The following MAP3K15 variants were observed in gnomAD, a reference collection of about 807,000 sequenced individuals.
MAP3K15 encodes mitogen-activated protein kinase kinase kinase 15.
A neutral mutation model predicts 99.5 loss-of-function variants in MAP3K15; 124 were observed. That is an observed-to-expected ratio of 1.25 (90% CI 1.08 to 1.45). The LOEUF (loss-of-function observed/expected upper bound fraction) is 1.45, where lower values mean the gene tolerates loss of function less well. Among genes scored for constraint, MAP3K15 ranks in the 40% most tolerant of loss-of-function variants. The probability of loss-of-function intolerance (pLI) is 0.00; values close to 1 mark genes in which losing one functional copy is unlikely to be tolerated. For synonymous variants in MAP3K15, 494 were observed against 439.6 expected (o/e 1.12, Z -1.55); for missense variants, 1,242 against 1,079.7 (o/e 1.15, Z -2.11).
At chrX:19,445,088 A>T (rs2063985744) in intron 6 of MAP3K15, among the ~76,000 whole-genome samples, 1 of 111,072 alleles carries the variant, frequency 9.0e-6, no homozygotes, top group African/African-American at 3.3e-5. Flanking sequence ...ATACAGCCTC[A>T]GTTTCCCACA....
chrX:19,376,783 G>A (rs759434184), intron 19 of MAP3K15: 1 of 110,587 alleles, frequency 9.0e-6, no homozygotes, highest in Admixed American at 9.7e-5. Context: ...AGGCTGGTCC[G>A]AGTGCAGTGG....
chrX:19,438,767 G>C (rs2063939986), intron 6 of MAP3K15, among the ~76,000 whole-genome samples: 1 of 112,544 alleles, frequency 8.9e-6, no homozygotes, highest in Non-Finnish European at 1.9e-5. Flanking sequence ...CATTAGACCA[G>C]TGTCCTTTCT....
At chrX:19,388,312 A>G (rs2063505774) in intron 18 of MAP3K15, among the ~76,000 whole-genome samples, 1 of 111,775 alleles carries the variant, frequency 8.9e-6, no homozygotes, top group Non-Finnish European at 1.9e-5. Context: ...TGTCATTATG[A>G]CTTTCTCTGT....
chrX:19,508,885 A>T (rs1332790897), intron 1 of MAP3K15, among the ~76,000 whole-genome samples: 1 of 111,864 alleles, frequency 8.9e-6, no homozygotes, highest in African/African-American at 3.2e-5. Flanking sequence ...CCCTGTCTCA[A>T]AAAAAAATCT....
intron 13 of MAP3K15, among the ~76,000 whole-genome samples, chrX:19,403,710 T>C (rs1384999823): frequency 1.8e-5 from 2 of 109,112 alleles, no homozygotes; most frequent in East Asian, 5.7e-4. Context: ...CAAGCAATCC[T>C]CCTTCCTCAG....
chrX:19,438,569 T>G (rs2063938190), intron 6 of MAP3K15, among the ~76,000 whole-genome samples: 1 of 112,167 alleles, frequency 8.9e-6, no homozygotes, highest in African/African-American at 3.2e-5. Flanking sequence ...CTGACTTTGC[T>G]TACCTCAAAG....
chrX:19,442,701 T>C (rs2063967759), intron 6 of MAP3K15, among the ~76,000 whole-genome samples: 1 of 100,063 alleles, frequency 1.0e-5, no homozygotes, highest in African/African-American at 3.9e-5. Context: ...TATTTTATTA[T>C]TATTATTATT....
intron 18 of MAP3K15, among the ~76,000 whole-genome samples, chrX:19,380,557 G>A (rs1326116497): frequency 2.7e-5 from 3 of 110,438 alleles, no homozygotes; most frequent in African/African-American, 6.6e-5. Flanking sequence ...ACAGAGTCTT[G>A]CTCTGTCGCC....
At chrX:19,365,032 C>T (rs1039935996) in intron 25 of MAP3K15, among the ~76,000 whole-genome samples, 2 of 109,796 alleles carry the variant, frequency 1.8e-5, no homozygotes, top group African/African-American at 3.3e-5. Context: ...GGTGAAACCC[C>T]GTCTCTACTA....
At chrX:19,363,873 G>A (rs1206880546) in intron 25 of MAP3K15, among the ~76,000 whole-genome samples, 3 of 110,522 alleles carry the variant, frequency 2.7e-5, no homozygotes, top group Non-Finnish European at 5.7e-5. Context: ...GGCTGGTCTC[G>A]AACTCCTGAC....
At chrX:19,497,808 T>TTAC (rs932039440) in intron 1 of MAP3K15, 6 of 111,237 alleles carry the variant, frequency 5.4e-5, no homozygotes, top group African/African-American at 1.6e-4. Context: ...TATATTCTGA[T>TTAC]TACTACTACT....
intron 3 of MAP3K15, among the ~76,000 whole-genome samples, chrX:19,470,605 G>A (rs2064202142): frequency 9.2e-6 from 1 of 108,934 alleles, no homozygotes. Context: ...AGACTTCACT[G>A]AACTAGTCAA....
chrX:19,437,376 C>T (rs182488212), intron 6 of MAP3K15, among the ~76,000 whole-genome samples: 51 of 111,764 alleles, frequency 4.6e-4, no homozygotes, highest in Non-Finnish European at 3.8e-5. Context: ...CTGTAAGGAT[C>T]TACAAGATGT....
intron 2 of MAP3K15, among the ~76,000 whole-genome samples, chrX:19,487,641 T>C (rs2064338306): frequency 8.9e-6 from 1 of 112,109 alleles, no homozygotes. Flanking sequence ...TTTGCCATAA[T>C]TACTGAGTAC....
intron 18 of MAP3K15, among the ~76,000 whole-genome samples, chrX:19,381,823 G>A (rs141217292): frequency 8.6e-4 from 96 of 112,066 alleles, no homozygotes; most frequent in African/African-American, 3.0e-3. Flanking sequence ...CAGCTCCTGG[G>A]GGCTGGCAAA....
intron 16 of MAP3K15, among the ~76,000 whole-genome samples, chrX:19,394,733 C>T (rs9943025): frequency 0.022 from 2,038 of 92,516 alleles, 62 homozygotes; most frequent in African/African-American, 0.078. Context: ...CAGAAATAGA[C>T]TGCTTATATG....
At chrX:19,448,353 T>G (rs16997302) in intron 6 of MAP3K15, among the ~76,000 whole-genome samples, 5,425 of 109,146 alleles carry the variant, frequency 0.05, 368 homozygotes, top group African/African-American at 0.17. Context: ...CCAGTCCTTA[T>G]GTCCTCAACT....
intron 6 of MAP3K15, among the ~76,000 whole-genome samples, chrX:19,443,225 GT>G (rs2063972711): frequency 2.9e-5 from 3 of 104,961 alleles, no homozygotes; most frequent in South Asian, 8.8e-4. Flanking sequence ...TAGAAACGGG[GT>G]TTTACCATGT....
chrX:19,369,249 G>C (rs2063357481), intron 24 of MAP3K15, 30 bp from the exon 25 acceptor site: 1 of 1,208,240 alleles, frequency 8.3e-7, no homozygotes, highest in African/African-American at 1.7e-5. Context: ...TGACAATGGT[G>C]AGCAAACCAG....
Sources: allele counts gnomAD v4.1 joint callset (sites outside exome capture counted in the v4.1 genomes callset), GRCh38; gene constraint gnomAD v4.1.1; transcripts MANE v1.5; gene names NCBI Gene and HGNC (gene_info 2026-07-23, HGNC 2026-07-21).